Variants in SLC2A12 observed in about 807,000 individuals in gnomAD.
SLC2A12 encodes the protein solute carrier family 2 member 12.
SLC2A12 carries 23 observed loss-of-function variants against 41.8 expected under a neutral mutation model. The observed-to-expected ratio is 0.55, with a 90% CI of 0.40 to 0.78. The LOEUF (loss-of-function observed/expected upper bound fraction) is 0.78. Among genes scored for constraint, SLC2A12 ranks in the 30% least tolerant of loss-of-function variants. The pLI, the probability that SLC2A12 is intolerant of heterozygous loss-of-function variation, is 0.00. For synonymous variants in SLC2A12, 295 were observed against 285.9 expected, an observed-to-expected ratio of 1.03 and a Z score of -0.32; for missense variants, 654 against 745.6, an observed-to-expected ratio of 0.88 and a Z score of 1.43.
chr6:134,031,367 G>C (rs554529805), intron 1 of SLC2A12, among the ~76,000 whole-genome samples: 1 of 152,076 alleles, frequency 6.6e-6, no homozygotes, highest in African/African-American at 2.4e-5. Context: ...ACTCCACCCC[G>C]GGCAACAGAG....
chr6:134,020,776 G>A (rs1272008896), intron 2 of SLC2A12, among the ~76,000 whole-genome samples: 3 of 152,192 alleles, frequency 2.0e-5, no homozygotes, highest in Non-Finnish European at 4.4e-5. Context: ...CCTTGCACCT[G>A]CAGTTGTAAA....
chr6:134,014,484 A>G (rs1776929442), intron 2 of SLC2A12, among the ~76,000 whole-genome samples: 1 of 152,252 alleles, frequency 6.6e-6, no homozygotes, highest in African/African-American at 2.4e-5. Flanking sequence ...GCAAGAAATT[A>G]GTCTTTTCTA....
intron 4 of SLC2A12, among the ~76,000 whole-genome samples, chr6:133,999,131 T>C (rs1472491339): frequency 2.0e-5 from 3 of 152,164 alleles, no homozygotes; most frequent in African/African-American, 7.2e-5. Context: ...GGCTAGAAGA[T>C]ATTGAAAATC....
chr6:134,051,806 C>T (rs759817637), intron 1 of SLC2A12, among the ~76,000 whole-genome samples: 4 of 152,166 alleles, frequency 2.6e-5, no homozygotes, highest in Non-Finnish European at 5.9e-5. Context: ...CTCTGAATAA[C>T]GCTCAAATTC....
intron 2 of SLC2A12, among the ~76,000 whole-genome samples, chr6:134,014,929 C>T (rs190545026): frequency 7.3e-4 from 111 of 152,278 alleles, no homozygotes; most frequent in Middle Eastern, 6.8e-3. Context: ...CATCTAACTC[C>T]GAGGGGAAAA....
rs200352461 is a variant in SLC2A12, at chr6:134,052,477, C to T, written c.4G>A (p.Val2Ile). 1.0e-4 allele frequency: 165 copies of T among 1,612,792 alleles called. No individual in the cohort carries two copies. The highest frequency in any genetic ancestry group is 1.3e-4 in the Non-Finnish European group (159 of 1,179,796). Residue 2 changes from valine (V) to isoleucine (I), a missense_variant, in exon 1 of 5, where the codon GTA (valine) becomes ATA (isoleucine). Coordinates refer to ENST00000275230, the MANE Select transcript of SLC2A12 (RefSeq NM_145176.3). ...GGGCCCTCGGTGTTTTCAACAGGTA[C>T]CATGGTCACGTAGAAGTTACAGCCG... is the stretch of plus-strand genomic sequence containing the variant. The part of the protein sequence containing the change: M[V>I]PVENTEGPSL...
At chr6:134,051,368 A>G (rs929084095) in intron 1 of SLC2A12, among the ~76,000 whole-genome samples, 4 of 152,198 alleles carry the variant, frequency 2.6e-5, no homozygotes, top group Non-Finnish European at 5.9e-5. Flanking sequence ...CAAACCCACA[A>G]GGCAAACGTC....
In SLC2A12 at chr6:134,029,224, C is replaced by G; in HGVS notation, c.601G>C (p.Gly201Arg). The change falls in exon 2 of 5, where the codon GGT becomes CGT. Residue 201 changes from glycine to arginine, a missense_variant. Physicochemically the swap from Gly to Arg is moderately radical, Grantham distance 125 (BLOSUM62 -2). This residue lies in a region of SLC2A12 where 411 missense variants were observed against 412.1 expected (regional missense o/e 1.00). Transcript: ENST00000275230. Reference sequence around the variant, plus strand: ...AAAACTCCCAAGGGAATCACAAGACCAAACATGTACTTCCAGCCATGGAAA... The same window carrying G: ...AAAACTCCCAAGGGAATCACAAGACGAAACATGTACTTCCAGCCATGGAAA... ...NVFHGWKYMF[G>R]LVIPLGVLQA... The G allele has an allele frequency of 6.2e-7, 1 of 1,614,102 alleles. No homozygotes were observed. Among genetic ancestry groups the G allele is most frequent in the Non-Finnish European group, 8.5e-7 (1 of 1,180,028 alleles).
intron 1 of SLC2A12, among the ~76,000 whole-genome samples, chr6:134,038,700 CTTTT>C (rs200794350): frequency 1.1e-4 from 9 of 82,108 alleles, no homozygotes; most frequent in African/African-American, 4.5e-4. Context: ...CCTTTCTTTC[CTTTT>C]TTTTTTTTTT....
rs56710009 is a variant in SLC2A12, at chr6:134,005,659, T to TAAAAAAAAAAAAA, written c.1567+1140_1567+1152dup. 3.1e-4 allele frequency among the ~76,000 whole-genome samples: 20 copies of TAAAAAAAAAAAAA among 64,970 alleles called. 1 individual carries two copies. Among genetic ancestry groups the TAAAAAAAAAAAAA allele is most frequent in the African/African-American group, 1.2e-3 (18 of 14,816 alleles). The allele number at this position is 64,970 out of a possible 152,430, so 42.6% of individuals were successfully genotyped here. A position where few individuals can be genotyped will look rare whatever the true frequency, so the allele number is the denominator to read the frequency against. On this transcript the variant is annotated intron_variant, in intron 3 of 4. Transcript: ENST00000275230. ...TGGGCAAGAGAGTGAGACTCTGTCT[T>TAAAAAAAAAAAAA]AAAAAAAAAAAAAAAAAAAAAAAAA...
intron 3 of SLC2A12, among the ~76,000 whole-genome samples, chr6:134,004,772 A>C (rs1276757075): frequency 1.3e-5 from 2 of 152,354 alleles, no homozygotes; most frequent in South Asian, 2.1e-4. Flanking sequence ...ACACTTCAGG[A>C]TAGCCAAATA....
intron 4 of SLC2A12, among the ~76,000 whole-genome samples, chr6:133,994,596 C>T (rs552646207): frequency 1.8e-4 from 27 of 152,134 alleles, no homozygotes; most frequent in South Asian, 1.5e-3. Flanking sequence ...GGCGTGGTGG[C>T]GGGCACCTGT....
At chr6:134,028,308 T>C (rs1177363928) in intron 2 of SLC2A12, 73 bp downstream of exon 2, 33 of 1,502,458 alleles carry the variant, frequency 2.2e-5, no homozygotes, top group Non-Finnish European at 2.8e-5. Flanking sequence ...CTAGCACTTA[T>C]GTTCATGAGG....
Position 134,052,536 on chromosome 6 carries a change from G to GC in SLC2A12, c.-57dup. ...CCACCAAACCGCCCCGACCACCCCC[G>GC]CTCCCAGGAGTGGTCACTTTCCCCA... On this transcript the variant is annotated 5_prime_UTR_variant, in exon 1 of 5. It removes the in-frame stop codon of an upstream open reading frame in the 5' UTR. Coordinates refer to ENST00000275230, the MANE Select transcript of SLC2A12 (RefSeq NM_145176.3). 1 of 1,373,454 alleles carries GC rather than the reference G, an allele frequency of 7.3e-7. No individual in the cohort carries two copies. The highest frequency in any genetic ancestry group is 1.0e-6 in the Non-Finnish European group (1 of 971,708). The allele number at this position is 1,373,454 out of a possible 1,614,324, so 85.1% of individuals were successfully genotyped here. A position where few individuals can be genotyped will look rare whatever the true frequency, so the allele number is the denominator to read the frequency against.
intron 1 of SLC2A12, among the ~76,000 whole-genome samples, chr6:134,033,876 G>A (rs1025414198): frequency 6.6e-6 from 1 of 152,054 alleles, no homozygotes; most frequent in African/African-American, 2.4e-5. Context: ...CTAAGTGCTA[G>A]CTTCTCTGTC....
chr6:133,992,468 GTA>G (rs1169532728), intron 4 of SLC2A12, among the ~76,000 whole-genome samples: 1 of 152,152 alleles, frequency 6.6e-6, no homozygotes, highest in African/African-American at 2.4e-5. Context: ...GGGAAATGTG[GTA>G]TATTGCAGGG....
intron 2 of SLC2A12, 144 bp from the exon 3 acceptor site, chr6:134,007,078 G>C: frequency 8.8e-7 from 1 of 1,134,864 alleles, no homozygotes; most frequent in African/African-American, 1.6e-5. Flanking sequence ...CAGCAGAACA[G>C]GACAGTAAAG....
chr6:134,008,272 A>T (rs1304621466), intron 2 of SLC2A12, among the ~76,000 whole-genome samples: 1 of 152,194 alleles, frequency 6.6e-6, no homozygotes, highest in Admixed American at 6.5e-5. Context: ...TGCCCTGTAG[A>T]AAAAACATCT....
chr6:134,049,470 C>T (rs1422063913), intron 1 of SLC2A12, among the ~76,000 whole-genome samples: 4 of 152,222 alleles, frequency 2.6e-5, no homozygotes. Context: ...CAGTTCTGCA[C>T]CATCCTCTGT....
Sources: allele counts gnomAD v4.1 joint callset (sites outside exome capture counted in the v4.1 genomes callset), GRCh38; gene constraint gnomAD v4.1.1; regional missense constraint gnomAD v4.1.1; transcripts MANE v1.5; gene names NCBI Gene and HGNC (gene_info 2026-07-23, HGNC 2026-07-21).